ITFG1: variants seen among roughly 807,000 people sequenced by gnomAD.
ITFG1 encodes the protein integrin alpha FG-GAP repeat containing 1.
Under a neutral mutation model 81.8 loss-of-function variants are expected in ITFG1, and 34 were observed. The observed-to-expected ratio is 0.42, with a 90% confidence interval of 0.32 to 0.55. The LOEUF is 0.55. ITFG1 is among the 20% of genes least tolerant of loss of function. ITFG1 has a pLI of 0.17. For synonymous variants in ITFG1, 285 were observed against 270.6 expected (o/e 1.05, Z -0.52); for missense variants, 672 against 755.4 (o/e 0.89, Z 1.29).
intron 14 of ITFG1, among the ~76,000 whole-genome samples, chr16:47,201,302 G>A (rs143675923): frequency 2.3e-4 from 34 of 150,250 alleles, no homozygotes; most frequent in Non-Finnish European, 3.8e-4. Flanking sequence ...TCCACCTCCC[G>A]GGCTCACGCA....
At chr16:47,175,759 A>T (rs1965017353) in intron 14 of ITFG1, among the ~76,000 whole-genome samples, 1 of 152,108 alleles carries the variant, frequency 6.6e-6, no homozygotes, top group African/African-American at 2.4e-5. Flanking sequence ...TTTTGTGGCA[A>T]TTTTTTGTGA....
chr16:47,410,151 C>T (rs1446884545), intron 6 of ITFG1, among the ~76,000 whole-genome samples: 1 of 152,010 alleles, frequency 6.6e-6, no homozygotes, highest in East Asian at 1.9e-4. Context: ...TGGTGGCATG[C>T]ACCTGTAGTC....
At chr16:47,163,914 TACACACACACACACACAC>T (rs56117889) in intron 14 of ITFG1, among the ~76,000 whole-genome samples, 1 of 139,322 alleles carries the variant, frequency 7.2e-6, no homozygotes. Flanking sequence ...GAAGCTCAAC[TACACACACACACACACAC>T]ACACACACAC....
intron 2 of ITFG1, among the ~76,000 whole-genome samples, chr16:47,457,747 A>G (rs952877379): frequency 6.6e-6 from 1 of 152,216 alleles, no homozygotes; most frequent in African/African-American, 2.4e-5. Flanking sequence ...AACTTATCAG[A>G]ACACATGCCA....
rs544181283 is a variant in ITFG1 at position 47,177,293 on chromosome 16, G to A, written c.1454-14629C>T. Among the ~76,000 whole-genome samples the A allele has an allele frequency of 3.1e-4, 47 of 151,980 alleles. No individual in the cohort carries two copies. In the Middle Eastern group the frequency reaches 0.017, roughly 55 times the overall value. The stretch of plus-strand genomic sequence containing the variant: ...CTGATATATCTATTAAAATCTTCCC[G>A]GCTATACAATTATCATACTCCCTTG... On this transcript the variant is annotated intron_variant, in intron 14 of 17. Coordinates refer to ENST00000320640, the MANE Select transcript of ITFG1 (RefSeq NM_030790.5).
intron 5 of ITFG1, among the ~76,000 whole-genome samples, chr16:47,451,086 C>T (rs1431792337): frequency 6.6e-6 from 1 of 152,158 alleles, no homozygotes; most frequent in Non-Finnish European, 1.5e-5. Context: ...AGGATCCACT[C>T]AAGACTGCAG....
At chr16:47,332,196 TAATAAAATAA>T (rs141120195) in intron 8 of ITFG1, among the ~76,000 whole-genome samples, 3,216 of 151,188 alleles carry the variant, frequency 0.021, 108 homozygotes, top group African/African-American at 0.074. Context: ...AGTATAATAA[TAATAAAATAA>T]AATAAAATAA....
chr16:47,428,978 A>C, intron 5 of ITFG1, 80 bp from the exon 6 acceptor site: 1 of 765,382 alleles, frequency 1.3e-6, no homozygotes, highest in Non-Finnish European at 2.1e-6. Context: ...TCTGCATGCA[A>C]AACACTTAAA....
At chr16:47,362,131 T>C (rs920401221) in intron 8 of ITFG1, among the ~76,000 whole-genome samples, 9 of 152,208 alleles carry the variant, frequency 5.9e-5, no homozygotes, top group Non-Finnish European at 8.8e-5. Context: ...TTTTACTCTC[T>C]CTAGTGTCAA....
At chr16:47,452,937 C>T in intron 3 of ITFG1, 147 bp from the exon 4 acceptor site, 1 of 515,854 alleles carries the variant, frequency 1.9e-6, no homozygotes, top group South Asian at 3.5e-5. Flanking sequence ...TACTATAAAT[C>T]TAGTTCAAAT....
intron 10 of ITFG1, among the ~76,000 whole-genome samples, chr16:47,310,235 A>T (rs1408715600): frequency 6.6e-6 from 1 of 152,206 alleles, no homozygotes; most frequent in African/African-American, 2.4e-5. Context: ...ATATTTCTCT[A>T]AATATCAGAT....
chr16:47,216,762 A>G (rs1477603916), intron 14 of ITFG1, among the ~76,000 whole-genome samples: 1 of 151,786 alleles, frequency 6.6e-6, no homozygotes, highest in African/African-American at 2.4e-5. Context: ...CCCAGGTCCA[A>G]GTGATTCTCA....
At position 47,359,844 on chromosome 16, in the gene ITFG1, T is replaced by C. The variant is rs566517110; in HGVS notation, c.802+5944A>G. Among the ~76,000 whole-genome samples the C allele has an allele frequency of 2.6e-5, 4 of 152,344 alleles. No individual in the cohort carries two copies. The South Asian group carries it at 8.3e-4, about 32-fold the overall frequency. On this transcript the variant is annotated intron_variant, in intron 8 of 17. Coordinates refer to ENST00000320640, the MANE Select transcript of ITFG1 (RefSeq NM_030790.5). ...TAAAATAGCCCTTCTCATTTCCTAT[T>C]ATAGCCCTTTGTTTAATTCCCTCAG...
chr16:47,307,641 T>C (rs1967191312), intron 10 of ITFG1, among the ~76,000 whole-genome samples: 1 of 152,224 alleles, frequency 6.6e-6, no homozygotes, highest in Admixed American at 6.5e-5. Flanking sequence ...TTAACATTTA[T>C]AATTTCAACT....
chr16:47,359,188 C>T (rs1264236391), intron 8 of ITFG1, among the ~76,000 whole-genome samples: 10 of 152,130 alleles, frequency 6.6e-5, no homozygotes, highest in Non-Finnish European at 8.8e-5. Context: ...TTTGGACATG[C>T]GCTCCTTCAT....
At chr16:47,299,527 G>A (rs1395521645) in intron 10 of ITFG1, 1 of 152,312 alleles carries the variant, frequency 6.6e-6, no homozygotes, top group Non-Finnish European at 1.5e-5. Context: ...GCCAGTACAA[G>A]TGCCAGCCCT....
At chr16:47,168,927 AT>A (rs1003536970) in intron 14 of ITFG1, among the ~76,000 whole-genome samples, 2 of 150,534 alleles carry the variant, frequency 1.3e-5, no homozygotes, top group African/African-American at 2.4e-5. Context: ...GTCCCACTTC[AT>A]TTTTTTTTAC....
intron 8 of ITFG1, among the ~76,000 whole-genome samples, chr16:47,361,243 T>C (rs906390801): frequency 1.3e-5 from 2 of 152,138 alleles, no homozygotes; most frequent in African/African-American, 4.8e-5. Flanking sequence ...AATTTATAAA[T>C]AAATTTATAT....
At chr16:47,442,186 T>C (rs558637339) in intron 5 of ITFG1, among the ~76,000 whole-genome samples, 2 of 152,072 alleles carry the variant, frequency 1.3e-5, no homozygotes, top group East Asian at 1.9e-4. Context: ...AAAGAGGATA[T>C]AAACAAATGG....
Sources: allele counts gnomAD v4.1 joint callset (sites outside exome capture counted in the v4.1 genomes callset), GRCh38; gene constraint gnomAD v4.1.1; transcripts MANE v1.5; gene names NCBI Gene and HGNC (gene_info 2026-07-23, HGNC 2026-07-21).